ANKRD18B: variants seen among roughly 807,000 people sequenced by gnomAD.
ANKRD18B encodes the protein ankyrin repeat domain-containing protein 18B.
In ANKRD18B, 75 loss-of-function variants were observed where a neutral mutation model predicts 111.8. That is an observed-to-expected ratio of 0.67 (90% CI 0.56 to 0.81). The LOEUF is 0.81. ANKRD18B is among the 40% of genes least tolerant of loss of function. The probability of loss-of-function intolerance (pLI) is 0.00; values close to 1 mark genes in which losing one functional copy is unlikely to be tolerated. For synonymous variants in ANKRD18B, 356 were observed against 417.3 expected (o/e 0.85, Z 1.79); for missense variants, 1,038 against 1,225.5 (o/e 0.85, Z 2.28).
chr9:33,557,075 T>C (rs536638), intron 13 of ANKRD18B, among the ~76,000 whole-genome samples: 21,625 of 151,906 alleles, frequency 0.14, 1,620 homozygotes, highest in South Asian at 0.19. Context: ...TTCTAATCAA[T>C]ATTTTTCTGC....
intron 5 of ANKRD18B, among the ~76,000 whole-genome samples, chr9:33,534,907 C>T (rs546025535): frequency 2.0e-5 from 3 of 147,632 alleles, no homozygotes; most frequent in South Asian, 2.2e-4. Context: ...GCCTTGGCCT[C>T]GCAAACTGCT....
chr9:33,550,859 T>A (rs1828436450), intron 12 of ANKRD18B, among the ~76,000 whole-genome samples: 1 of 152,208 alleles, frequency 6.6e-6, no homozygotes, highest in Non-Finnish European at 1.5e-5. Flanking sequence ...TTTTTTCCTG[T>A]TAAACAGTAT....
intron 6 of ANKRD18B, among the ~76,000 whole-genome samples, chr9:33,537,961 T>C (rs533345494): frequency 1.7e-4 from 26 of 152,314 alleles, no homozygotes; most frequent in African/African-American, 6.0e-4. Context: ...CTTTATCATC[T>C]TCAGGTTGAT....
At chr9:33,525,364 T>C (rs1274964109) in intron 1 of ANKRD18B, among the ~76,000 whole-genome samples, 1 of 152,152 alleles carries the variant, frequency 6.6e-6, no homozygotes, top group African/African-American at 2.4e-5. Context: ...TGGAACAGAA[T>C]AGGAAATCCA....
intron 6 of ANKRD18B, among the ~76,000 whole-genome samples, chr9:33,538,560 A>T (rs1372650431): frequency 2.0e-5 from 3 of 152,154 alleles, no homozygotes; most frequent in Non-Finnish European, 4.4e-5. Context: ...ACATGGTGAA[A>T]CCCTATCTCT....
chr9:33,539,002 T>C (rs183486371), intron 6 of ANKRD18B, among the ~76,000 whole-genome samples: 11 of 152,336 alleles, frequency 7.2e-5, no homozygotes, highest in Non-Finnish European at 1.5e-4. Context: ...AGGGTGCTCA[T>C]AATAGAATAT....
chr9:33,535,789 T>C (rs1389983433), intron 5 of ANKRD18B, among the ~76,000 whole-genome samples: 2 of 145,686 alleles, frequency 1.4e-5, no homozygotes, highest in Non-Finnish European at 3.0e-5. Context: ...AAATATTATA[T>C]ATAATTATTA....
At position 33,524,498 on chromosome 9, in the gene ANKRD18B, G is replaced by A. The variant is rs1427752544; in HGVS notation, c.9G>A (p.Lys3=). The A allele has an allele frequency of 1.3e-6, 2 of 1,547,546 alleles. No individual in the cohort carries two copies. Among genetic ancestry groups the A allele is most frequent in the South Asian group, 2.4e-5 (2 of 83,594 alleles). The stretch of plus-strand genomic sequence containing the variant: ...TCTGAGAAGTCGCCACCATGAGGAA[G>A]CTCCTCAGTTTTGGGAGACGCCTGG... MR[K]LLSFGRRLGQ... Residue 3 remains lysine (K), a synonymous_variant, in exon 1 of 19, where the codon AAG becomes AAA. Coordinates refer to ENST00000684830, the MANE Select transcript of ANKRD18B (RefSeq NM_001393611.1).
chr9:33,561,849 A>T (rs375135936), intron 14 of ANKRD18B, among the ~76,000 whole-genome samples: 255 of 152,306 alleles, frequency 1.7e-3, no homozygotes, highest in African/African-American at 5.9e-3. Flanking sequence ...TTAGATTATC[A>T]ATTCTTAGTT....
chr9:33,541,757 C>T (rs544581565), intron 9 of ANKRD18B, among the ~76,000 whole-genome samples: 81 of 152,058 alleles, frequency 5.3e-4, no homozygotes, highest in African/African-American at 1.9e-3. Context: ...GTCTTTTTCT[C>T]GGAATTATGC....
chr9:33,548,565 A>C lies in ANKRD18B; in HGVS notation c.1777A>C (p.Lys593Gln). 6.4e-7 allele frequency: 1 copy of C among 1,551,266 alleles called. No individual in the cohort carries two copies. The highest frequency in any genetic ancestry group is 1.4e-5 in the African/African-American group (1 of 73,106). ...AGCGCAGCATCGAATAAAGGAAATG[A>C]AGCAGATGCATCCAAATGGGGAAGC... The part of the protein sequence containing the change: ...KQAQHRIKEM[K>Q]QMHPNGEAKE... The change falls in exon 11 of 19, where the codon AAG (lysine) becomes CAG (glutamine). Residue 593 changes from lysine (K) to glutamine (Q), a missense_variant. Physicochemically the swap from Lys to Gln is moderately conservative, Grantham distance 53. This residue lies in a region of ANKRD18B where 524 missense variants were observed against 677.9 expected (regional missense o/e 0.77). Coordinates refer to ENST00000684830, the MANE Select transcript of ANKRD18B (RefSeq NM_001393611.1).
chr9:33,524,731 C>G (rs1381039754), intron 1 of ANKRD18B, 36 bp downstream of exon 1: 28 of 1,530,580 alleles, frequency 1.8e-5, no homozygotes, highest in Non-Finnish European at 2.2e-5. Flanking sequence ...GAGGGGGCCC[C>G]CAGGCCCGGT....
intron 3 of ANKRD18B, among the ~76,000 whole-genome samples, chr9:33,529,825 A>G (rs1828084996): frequency 6.6e-6 from 1 of 152,208 alleles, no homozygotes; most frequent in African/African-American, 2.4e-5. Flanking sequence ...CTCTGAGGAA[A>G]ACAGATTGGC....
chr9:33,564,265 A>G (rs1339198148), intron 14 of ANKRD18B, among the ~76,000 whole-genome samples: 1 of 152,154 alleles, frequency 6.6e-6, no homozygotes, highest in East Asian at 1.9e-4. Flanking sequence ...CCCAGCCCTC[A>G]ATTTTTCTTT....
At chr9:33,552,440 TG>T (rs538375112) in intron 12 of ANKRD18B, among the ~76,000 whole-genome samples, 39 of 152,222 alleles carry the variant, frequency 2.6e-4, no homozygotes, top group Admixed American at 5.2e-4. Flanking sequence ...CAGCAACAGC[TG>T]CTGGGAGGGA....
chr9:33,529,875 A>G (rs947645634), intron 3 of ANKRD18B, among the ~76,000 whole-genome samples: 2 of 152,222 alleles, frequency 1.3e-5, no homozygotes. Context: ...ACTTCAGCAA[A>G]GGGTGGAACA....
At chr9:33,541,037 T>C (rs1483643606) in intron 8 of ANKRD18B, 110 bp from the exon 9 acceptor site, 3 of 1,329,332 alleles carry the variant, frequency 2.3e-6, no homozygotes, top group East Asian at 5.0e-5. Context: ...AAGCTTCTAA[T>C]GGGTAGGATT....
chr9:33,555,622 T>C, intron 12 of ANKRD18B, 86 bp from the exon 13 acceptor site: 1 of 1,033,020 alleles, frequency 9.7e-7, no homozygotes, highest in South Asian at 3.7e-5. Flanking sequence ...ATACATATTA[T>C]TCATCAACTT....
chr9:33,570,528 A>C (rs1004981730), intron 17 of ANKRD18B, among the ~76,000 whole-genome samples: 9 of 152,202 alleles, frequency 5.9e-5, no homozygotes, highest in African/African-American at 1.9e-4. Context: ...TTTTTAAGAA[A>C]AAATTTATTG....
Sources: gnomAD v4.1 joint callset for allele counts (sites outside exome capture counted in the v4.1 genomes callset) on GRCh38, gnomAD v4.1.1 for gene constraint, gnomAD v4.1.1 regional missense constraint, MANE v1.5 for transcripts, NCBI Gene and HGNC (gene_info 2026-07-23, HGNC 2026-07-21) for gene names.